The following TNR variants were observed in gnomAD, a reference collection of about 807,000 sequenced individuals.
TNR encodes tenascin R.
TNR carries 45 observed loss-of-function variants against 150.4 expected under a neutral mutation model. That is an observed-to-expected ratio of 0.30 (90% CI 0.24 to 0.38). The LOEUF (loss-of-function observed/expected upper bound fraction) is 0.38, where lower values mean the gene tolerates loss of function less well. TNR is among the 10% of genes least tolerant of loss of function. The pLI, the probability that TNR is intolerant of heterozygous loss-of-function variation, is 1.00. For synonymous variants in TNR, 687 were observed against 678.4 expected (o/e 1.01, Z -0.20); for missense variants, 1,544 against 1,759.1 (o/e 0.88, Z 2.19).
chr1:175,392,570 G>A (rs186978090), intron 6 of TNR, among the ~76,000 whole-genome samples: 9 of 152,180 alleles, frequency 5.9e-5, no homozygotes, highest in Admixed American at 5.9e-4. Context: ...TGACATGATC[G>A]TTTCAATTGT....
At chr1:175,644,863 G>A (rs145481340) in intron 1 of TNR, among the ~76,000 whole-genome samples, 6 of 152,342 alleles carry the variant, frequency 3.9e-5, no homozygotes, top group African/African-American at 1.2e-4. Context: ...TGTGTCAGAT[G>A]CCCTGTTTAT....
intron 1 of TNR, among the ~76,000 whole-genome samples, chr1:175,671,911 CTGTGTGTGTGTGTGTG>C (rs35804880): frequency 7.0e-6 from 1 of 142,040 alleles, no homozygotes; most frequent in African/African-American, 2.7e-5. Flanking sequence ...TGAGCTGTAC[CTGTGTGTGTGTGTGTG>C]TGTGTGTGTG....
At chr1:175,364,909 C>A in intron 12 of TNR, 101 bp downstream of exon 12, 1 of 1,411,604 alleles carries the variant, frequency 7.1e-7, no homozygotes. Context: ...TAGAGGAAAT[C>A]CCCTACTCCT....
At chr1:175,474,363 C>T (rs114724690) in intron 2 of TNR, among the ~76,000 whole-genome samples, 3,862 of 152,184 alleles carry the variant, frequency 0.025, 54 homozygotes, top group African/African-American at 0.037. Context: ...TCCAGAGGCA[C>T]CAGGGGTGCA....
chr1:175,611,284 T>A (rs1663589302), intron 1 of TNR, among the ~76,000 whole-genome samples: 1 of 152,130 alleles, frequency 6.6e-6, no homozygotes, highest in African/African-American at 2.4e-5. Context: ...TACAAATGTT[T>A]ATTTTTTTAT....
intron 5 of TNR, 101 bp from the exon 6 acceptor site, chr1:175,393,996 G>C (rs536952793): frequency 3.2e-6 from 3 of 940,184 alleles, no homozygotes; most frequent in African/African-American, 3.2e-5. Context: ...CGCCATGGGC[G>C]TGGTGGTGTC....
intron 18 of TNR, among the ~76,000 whole-genome samples, chr1:175,348,137 T>C (rs1650887336): frequency 1.3e-5 from 2 of 152,192 alleles, no homozygotes; most frequent in South Asian, 4.1e-4. Flanking sequence ...TATATATTTT[T>C]AAGTTAGACA....
intron 1 of TNR, among the ~76,000 whole-genome samples, chr1:175,629,559 G>A (rs866241013): frequency 6.6e-6 from 1 of 152,146 alleles, no homozygotes; most frequent in Admixed American, 6.5e-5. Flanking sequence ...CTAAGCATCT[G>A]CAGTCACCAG....
Position 175,379,745 on chromosome 1 carries a change from TAGAC to T in TNR, c.1778-12_1778-9del, listed in dbSNP as rs777082851. The T allele has an allele frequency of 2.5e-6, 4 of 1,613,822 alleles. No homozygotes were observed. The highest frequency in any genetic ancestry group is 2.2e-5 in the East Asian group (1 of 44,884). ...TCTTGGGGGCATCGATCTCTAAAAA[TAGAC>T]AGACATCACCAACATCGCACATGAT... On this transcript the variant is annotated splice_polypyrimidine_tract_variant and intron_variant, in intron 8 of 22. Coordinates refer to ENST00000367674, the MANE Select transcript of TNR (RefSeq NM_003285.3).
chr1:175,672,737 C>G (rs903666449), intron 1 of TNR, among the ~76,000 whole-genome samples: 5 of 152,232 alleles, frequency 3.3e-5, no homozygotes, highest in Admixed American at 2.6e-4. Flanking sequence ...CCCACTGTTT[C>G]AGGTGTGCTG....
At chr1:175,633,444 A>T (rs974188871) in intron 1 of TNR, among the ~76,000 whole-genome samples, 6 of 152,212 alleles carry the variant, frequency 3.9e-5, no homozygotes, top group African/African-American at 1.4e-4. Flanking sequence ...AAGGAAAGAA[A>T]TTATAGCTAT....
In TNR at chr1:175,431,658, G is replaced by T. The variant is rs1655267514; in HGVS notation, c.-63-24881C>A. ...AACTTTTTTTTTTTTTTTTGTAATG[G>T]GGCCAGGCCTCAGGCAGAGGAGGAA... On this transcript the variant is annotated intron_variant, in intron 2 of 22. Transcript: ENST00000367674. Among the ~76,000 whole-genome samples, 3 of 149,480 alleles carry T rather than the reference G, an allele frequency of 2.0e-5. No homozygotes were observed. The South Asian group carries it at 6.3e-4, about 32-fold the overall frequency.
At chr1:175,543,290 C>A (rs1412362725) in intron 1 of TNR, among the ~76,000 whole-genome samples, 1 of 152,098 alleles carries the variant, frequency 6.6e-6, no homozygotes, top group Non-Finnish European at 1.5e-5. Flanking sequence ...GCAGAGAATG[C>A]AGCTGCAGAG....
rs553808533 is a variant in TNR at position 175,436,544 on chromosome 1, T to C, written c.-63-29767A>G. 1.6e-3 allele frequency among the ~76,000 whole-genome samples: 237 copies of C among 152,272 alleles called. 5 individuals carry two copies. Among genetic ancestry groups the C allele is most frequent in the Non-Finnish European group, 2.2e-3 (152 of 68,020 alleles). On this transcript the variant is annotated intron_variant, in intron 2 of 22. Transcript: ENST00000367674. ...CACACATAACAATATTAACCTTAAA[T>C]GTAAATGGGCTAAATGCCCCAATTA...
Position 175,523,512 on chromosome 1 carries a change from C to A in TNR, c.-64+4757G>T, listed in dbSNP as rs923346033. Among the ~76,000 whole-genome samples, 8 of 152,130 alleles carry A rather than the reference C, an allele frequency of 5.3e-5. No homozygotes were observed. In the South Asian group the frequency reaches 1.7e-3, roughly 32 times the overall value. On this transcript the variant is annotated intron_variant, in intron 2 of 22. Coordinates refer to ENST00000367674, the MANE Select transcript of TNR (RefSeq NM_003285.3). ...CGTTAGAGAAATACACAAATGATTG[C>A]AATACAAGTTGAATAAGCACAGTAA...
intron 1 of TNR, among the ~76,000 whole-genome samples, chr1:175,535,825 G>A (rs544269412): frequency 1.3e-5 from 2 of 152,018 alleles, no homozygotes; most frequent in African/African-American, 4.8e-5. Flanking sequence ...GTTCACAGAG[G>A]GTCCATGAAC....
intron 2 of TNR, among the ~76,000 whole-genome samples, chr1:175,416,783 C>T (rs1036422914): frequency 3.9e-5 from 6 of 152,006 alleles, no homozygotes; most frequent in Admixed American, 1.3e-4. Context: ...CCAAGACGGG[C>T]GGATCACGAC....
chr1:175,735,689 C>T (rs1349889146), intron 1 of TNR, among the ~76,000 whole-genome samples: 1 of 150,284 alleles, frequency 6.7e-6, no homozygotes, highest in Non-Finnish European at 1.5e-5. Flanking sequence ...GTTAGATGTT[C>T]TTCTTATGGA....
Position 175,393,814 on chromosome 1 carries a change from G to A in TNR, c.1322C>T (p.Ser441Phe), listed in dbSNP as rs1001407974. 1.2e-6 allele frequency: 2 copies of A among 1,614,170 alleles called. No individual in the cohort carries two copies. The highest frequency in any genetic ancestry group is 1.3e-5 in the African/African-American group (1 of 75,038). ...GAAGCTGATTTCCCACCCATCGAAGGAAAATGAGAAGGGCTCCCACTGCAC... is the reference window on the plus strand; with the variant it reads ...GAAGCTGATTTCCCACCCATCGAAGAAAAATGAGAAGGGCTCCCACTGCAC... ...VEVQWEPFSF[S>F]FDGWEISFIP... The change falls in exon 6 of 23, where the codon TCC becomes TTC. Residue 441 changes from serine to phenylalanine, a missense_variant. By Grantham distance (155) the Ser-to-Phe change is radical (BLOSUM62 -2). Around this residue, in one of 2 missense-constraint regions of TNR, gnomAD observed 1,254 missense variants for 1,329.4 expected, o/e 0.94. Transcript: ENST00000367674.
Sources: gnomAD v4.1 joint callset for allele counts (sites outside exome capture counted in the v4.1 genomes callset) on GRCh38, gnomAD v4.1.1 for gene constraint, gnomAD v4.1.1 regional missense constraint, MANE v1.5 for transcripts, NCBI Gene and HGNC (gene_info 2026-07-23, HGNC 2026-07-21) for gene names.